Variants in UBE2Z observed in about 807,000 individuals in gnomAD.
The protein encoded by UBE2Z is ubiquitin-conjugating enzyme E2 Z.
A neutral mutation model predicts 32.6 loss-of-function variants in UBE2Z; 10 were observed. The observed-to-expected ratio is 0.31, with a 90% CI of 0.19 to 0.52. The LOEUF is 0.52. Among genes scored for constraint, UBE2Z ranks in the 20% least tolerant of loss-of-function variants. The pLI is 0.97. For synonymous variants in UBE2Z, 183 were observed against 190.8 expected (o/e 0.96, Z 0.34); for missense variants, 343 against 480.9 (o/e 0.71, Z 2.68).
At chr17:48,911,560 T>G (rs1332234983) in intron 2 of UBE2Z, 5 of 152,270 alleles carry the variant, frequency 3.3e-5, no homozygotes, top group African/African-American at 1.2e-4. Context: ...TAATGCTGTT[T>G]AAGTGAAACA....
intron 6 of UBE2Z, among the ~76,000 whole-genome samples, chr17:48,925,873 T>A (rs1328628952): frequency 6.6e-6 from 1 of 152,188 alleles, no homozygotes; most frequent in Middle Eastern, 3.2e-3. Context: ...GAGGGTAATG[T>A]GTGGGCAGAA....
chr17:48,923,418 G>A (rs1406560064), intron 6 of UBE2Z, among the ~76,000 whole-genome samples: 2 of 151,772 alleles, frequency 1.3e-5, no homozygotes, highest in African/African-American at 4.8e-5. Context: ...ATCACCTGAG[G>A]TCGGGAGTGT....
intron 6 of UBE2Z, among the ~76,000 whole-genome samples, chr17:48,924,005 G>A (rs1204189576): frequency 6.6e-6 from 1 of 152,142 alleles, no homozygotes; most frequent in South Asian, 2.1e-4. Context: ...ACAGGCATAC[G>A]CCATCATGCC....
chr17:48,922,995 C>G (rs996466728), intron 6 of UBE2Z, 58 bp downstream of exon 6: 39 of 1,482,042 alleles, frequency 2.6e-5, no homozygotes, highest in Non-Finnish European at 3.5e-5. Context: ...GTAAAAGCCC[C>G]CCACAAGCGT....
chr17:48,914,878 A>G (rs1290275185), intron 3 of UBE2Z, among the ~76,000 whole-genome samples: 1 of 152,074 alleles, frequency 6.6e-6, no homozygotes, highest in Non-Finnish European at 1.5e-5. Flanking sequence ...AAAATTAGCC[A>G]GGCATGGTGG....
At chr17:48,916,656 G>A (rs1567778572) in intron 4 of UBE2Z, among the ~76,000 whole-genome samples, 1 of 151,646 alleles carries the variant, frequency 6.6e-6, no homozygotes, top group Non-Finnish European at 1.5e-5. Context: ...GTTGGTATAG[G>A]GAAAAAAAGG....
In UBE2Z at chr17:48,922,818, T is replaced by A. The variant is rs2040769831; in HGVS notation, c.804-29T>A. ...GGGGTGACCTGTACCCCTGGGTTTCTCACTTACACTTTTCTGCTTGTTTTC... is the reference window on the plus strand; with the variant it reads ...GGGGTGACCTGTACCCCTGGGTTTCACACTTACACTTTTCTGCTTGTTTTC... On this transcript the variant is annotated intron_variant, in intron 5 of 6. Coordinates refer to ENST00000360943, the MANE Select transcript of UBE2Z (RefSeq NM_023079.5). 3 of 1,588,422 alleles carry A rather than the reference T, an allele frequency of 1.9e-6. No homozygotes were observed. In the East Asian group the frequency reaches 6.8e-5, roughly 36 times the overall value.
At chr17:48,910,578 C>T (rs1372716006) in intron 1 of UBE2Z, 1 of 442,870 alleles carries the variant, frequency 2.3e-6, no homozygotes, top group Non-Finnish European at 4.1e-6. Flanking sequence ...CTCTCCCTCC[C>T]CTCCCCCTGA....
chr17:48,908,692 TCCGCTGCCCGGGCTCCCGCCCTCAG>T lies in UBE2Z; in HGVS notation c.199_223del (p.Gly67ThrfsTer54), dbSNP rs2040648104. 1 of 1,271,394 alleles carries T rather than the reference TCCGCTGCCCGGGCTCCCGCCCTCAG, an allele frequency of 7.9e-7. No individual in the cohort carries two copies. Among genetic ancestry groups the T allele is most frequent in the Non-Finnish European group, 9.9e-7 (1 of 1,010,362 alleles). 78.8% of individuals were successfully genotyped at this position (1,271,394 alleles called of 1,614,324 possible). Reference sequence around the variant, plus strand: ...CCGGGGGCCCGGGGAGCGGCCTGGCTCCGCTGCCCGGGCTCCCGCCCTCAGCCGCTGCCCACGGGGCCGCGCTGCT... The same window carrying T: ...CCGGGGGCCCGGGGAGCGGCCTGGCTCCGCTGCCCACGGGGCCGCGCTGCT... On this transcript the variant is annotated frameshift_variant, in exon 1 of 7. Transcript: ENST00000360943. LOFTEE classifies it high-confidence loss of function.
chr17:48,915,961 A>G, intron 3 of UBE2Z, 115 bp from the exon 4 acceptor site: 1 of 553,888 alleles, frequency 1.8e-6, no homozygotes, highest in Non-Finnish European at 3.1e-6. Context: ...CCAGAGTATT[A>G]ATAGTGAAAG....
chr17:48,908,668 C>T lies in UBE2Z; in HGVS notation c.165C>T (p.Ala55=). 4.1e-6 allele frequency: 5 copies of T among 1,221,924 alleles called. No homozygotes were observed. Among genetic ancestry groups the T allele is most frequent in the Non-Finnish European group, 5.1e-6 (5 of 981,384 alleles). The allele number at this position is 1,221,924 out of a possible 1,614,324, so 75.7% of individuals were successfully genotyped here. A position where few individuals can be genotyped will look rare whatever the true frequency, so the allele number is the denominator to read the frequency against. The change falls in exon 1 of 7, where the codon GCC becomes GCT. Residue 55 remains alanine, a synonymous_variant. Coordinates refer to ENST00000360943, the MANE Select transcript of UBE2Z (RefSeq NM_023079.5). ...CGGCGGCGGCGGCAGCGGGCGGGGC[C>T]GGGGGCCCGGGGAGCGGCCTGGCTC... ...VWAAAAAAGG[A]GGPGSGLAPL... is the part of the protein sequence containing the mutation.
At chr17:48,913,090 A>G (rs2040691964) in intron 3 of UBE2Z, 69 bp downstream of exon 3, 1 of 1,488,032 alleles carries the variant, frequency 6.7e-7, no homozygotes, top group Non-Finnish European at 9.2e-7. Flanking sequence ...GCCTTTATCA[A>G]CCGGAGTCCC....
At chr17:48,911,107 C>T (rs891426090) in intron 2 of UBE2Z, 1 of 520,988 alleles carries the variant, frequency 1.9e-6, no homozygotes, top group Non-Finnish European at 3.5e-6. Flanking sequence ...CTTGGAAAAT[C>T]CCAGTTCATG....
At chr17:48,913,400 G>A (rs2040695001) in intron 3 of UBE2Z, among the ~76,000 whole-genome samples, 1 of 152,182 alleles carries the variant, frequency 6.6e-6, no homozygotes, top group Non-Finnish European at 1.5e-5. Context: ...CTGTCGCCAG[G>A]CTGGAGTGCA....
At chr17:48,909,274 C>T (rs2040657300) in intron 1 of UBE2Z, among the ~76,000 whole-genome samples, 1 of 151,750 alleles carries the variant, frequency 6.6e-6, no homozygotes, top group Admixed American at 6.6e-5. Context: ...GTTCCTAACA[C>T]AGACGAACTC....
intron 1 of UBE2Z, chr17:48,909,064 T>G: frequency 1.2e-5 from 1 of 83,528 alleles, no homozygotes; most frequent in East Asian, 2.3e-4. Context: ...CTCGACAACC[T>G]CCCGTGAGCC....
intron 4 of UBE2Z, among the ~76,000 whole-genome samples, chr17:48,916,792 G>T (rs956963328): frequency 2.7e-5 from 4 of 147,950 alleles, no homozygotes; most frequent in African/African-American, 1.0e-4. Context: ...TTTGAGACCA[G>T]CCTGGCCAAC....
At chr17:48,920,349 A>G (rs955466019) in intron 4 of UBE2Z, among the ~76,000 whole-genome samples, 3 of 152,106 alleles carry the variant, frequency 2.0e-5, no homozygotes, top group Admixed American at 6.6e-5. Context: ...TACAAAAACT[A>G]GCTGGGCGTG....
intron 2 of UBE2Z, chr17:48,911,955 T>G (rs2040681451): frequency 6.6e-6 from 1 of 152,042 alleles, no homozygotes; most frequent in Non-Finnish European, 1.5e-5. Flanking sequence ...GAAATATAAC[T>G]GAGTCAGTTC....
Sources: allele counts gnomAD v4.1 joint callset (sites outside exome capture counted in the v4.1 genomes callset), GRCh38; gene constraint gnomAD v4.1.1; transcripts MANE v1.5; gene names NCBI Gene and HGNC (gene_info 2026-07-23, HGNC 2026-07-21).